Variants in FBLN7 observed in about 807,000 individuals in gnomAD.
The protein encoded by FBLN7 is fibulin-7.
A neutral mutation model predicts 44.0 loss-of-function variants in FBLN7; 31 were observed. That is an observed-to-expected ratio of 0.70 (90% CI 0.53 to 0.95). The LOEUF (loss-of-function observed/expected upper bound fraction) is 0.95, where lower values mean the gene tolerates loss of function less well. FBLN7 is among the 40% of genes least tolerant of loss of function. The pLI, the probability that FBLN7 is intolerant of heterozygous loss-of-function variation, is 0.00. For missense variants in FBLN7, 573 were observed against 618.5 expected, an observed-to-expected ratio of 0.93 and a Z score of 0.78; for synonymous variants, 262 against 253.4, an observed-to-expected ratio of 1.03 and a Z score of -0.32.
rs760628413 is a variant in FBLN7 at position 112,138,745 on chromosome 2, C to T, written c.75+15C>T. 7.0e-5 allele frequency: 111 copies of T among 1,590,210 alleles called. No individual in the cohort carries two copies. Among genetic ancestry groups the T allele is most frequent in the Middle Eastern group, 4.3e-4 (2 of 4,632 alleles). On this transcript the variant is annotated intron_variant, in intron 1 of 7. Coordinates refer to ENST00000331203, the MANE Select transcript of FBLN7 (RefSeq NM_153214.3). ...GGGCTTCCCAGGTCAGTGTCCCTCC[C>T]GCCTCTCTCCAGGCCAGTGTCCCTC...
chr2:112,208,879 C>T, the FBLN7 span, among the ~76,000 whole-genome samples: 1 of 152,022 alleles, frequency 6.6e-6, no homozygotes, highest in Admixed American at 6.6e-5. Context: ...ATTTCTAGTC[C>T]AAATGACCCA....
intron 4 of FBLN7, among the ~76,000 whole-genome samples, chr2:112,181,436 A>G (rs1233825815): frequency 8.5e-5 from 13 of 152,122 alleles, no homozygotes; most frequent in Admixed American, 8.5e-4. Flanking sequence ...GGGGTGTTCA[A>G]GTCTTTTTAA....
At chr2:112,164,898 T>C in intron 2 of FBLN7, 103 bp from the exon 3 acceptor site, 1 of 1,290,486 alleles carries the variant, frequency 7.7e-7, no homozygotes, top group Non-Finnish European at 1.1e-6. Flanking sequence ...GCAGCAGGCA[T>C]GCAACAGAGG....
chr2:112,160,298 GC>G (rs1389323225), intron 2 of FBLN7, among the ~76,000 whole-genome samples: 3 of 152,172 alleles, frequency 2.0e-5, no homozygotes, highest in African/African-American at 7.2e-5. Flanking sequence ...CCAATCTGTG[GC>G]CCATTTGTAA....
intron 2 of FBLN7, 144 bp downstream of exon 2, chr2:112,159,979 T>G (rs1469580733): frequency 5.4e-6 from 3 of 557,510 alleles, no homozygotes; most frequent in Non-Finnish European, 7.9e-6. Context: ...CCCTTTTTTA[T>G]TTATTATTTA....
chr2:112,141,901 A>C (rs1573755472), intron 1 of FBLN7, among the ~76,000 whole-genome samples: 1 of 152,152 alleles, frequency 6.6e-6, no homozygotes, highest in East Asian at 1.9e-4. Context: ...CAGACTCTGT[A>C]CCCGGAACTT....
chr2:112,188,142 C>A lies in FBLN7; in HGVS notation c.*636C>A, dbSNP rs1356481618. On this transcript the variant is annotated 3_prime_UTR_variant, in exon 8 of 8. Coordinates refer to ENST00000331203, the MANE Select transcript of FBLN7 (RefSeq NM_153214.3). ...GCATGGATTCTGCCTGAGTTACTTC[C>A]CTTTTGAGAAATCATATCTCAAATA... is the stretch of plus-strand genomic sequence containing the variant. 6.6e-6 allele frequency: 1 copy of A among 152,408 alleles called. No individual in the cohort carries two copies. Among genetic ancestry groups the A allele is most frequent in the Non-Finnish European group, 1.5e-5 (1 of 68,222 alleles). 9.4% of individuals were successfully genotyped at this position (152,408 alleles called of 1,614,324 possible).
the FBLN7 span, among the ~76,000 whole-genome samples, chr2:112,217,571 C>T: frequency 7.2e-5 from 11 of 152,080 alleles, no homozygotes; most frequent in African/African-American, 2.7e-4. Flanking sequence ...TAGAAAATAT[C>T]AGTTTACTAA....
intron 1 of FBLN7, among the ~76,000 whole-genome samples, chr2:112,147,201 A>G (rs1434677855): frequency 1.3e-5 from 2 of 152,224 alleles, no homozygotes; most frequent in Non-Finnish European, 2.9e-5. Context: ...AGTTTTAACT[A>G]TGAATTCAAT....
Position 112,182,942 on chromosome 2 carries a change from C to CA in FBLN7, c.808+15dup, listed in dbSNP as rs769255084. ...AGAGCTGTGAGGGTGAGTGAGGCTA[C>CA]AGAGTGTCGTCTGCACCCAGCCACC... is the stretch of plus-strand genomic sequence containing the variant. On this transcript the variant is annotated intron_variant, in intron 6 of 7. Coordinates refer to ENST00000331203, the MANE Select transcript of FBLN7 (RefSeq NM_153214.3). The CA allele has an allele frequency of 1.2e-6, 2 of 1,610,896 alleles. No homozygotes were observed. Among genetic ancestry groups the CA allele is most frequent in the Admixed American group, 3.3e-5 (2 of 59,808 alleles).
chr2:112,227,278 A>G, the FBLN7 span, among the ~76,000 whole-genome samples: 30 of 152,356 alleles, frequency 2.0e-4, no homozygotes, highest in Middle Eastern at 3.4e-3. Flanking sequence ...TAATCCCAGC[A>G]CTTTGGGAGG....
intron 1 of FBLN7, among the ~76,000 whole-genome samples, chr2:112,155,696 G>A (rs1218000212): frequency 3.9e-5 from 6 of 152,332 alleles, no homozygotes; most frequent in South Asian, 2.1e-4. Flanking sequence ...AATGAGCACC[G>A]GGGAGAAAGC....
chr2:112,225,241 TA>T, the FBLN7 span, among the ~76,000 whole-genome samples: 368 of 149,096 alleles, frequency 2.5e-3, 2 homozygotes, highest in South Asian at 0.011. Flanking sequence ...AGTTAATTGT[TA>T]AAAAAAAAAC....
At chr2:112,144,523 C>CTTTTTTTTTTTTTTTTTTTTTTTTTTTT (rs35764058) in intron 1 of FBLN7, among the ~76,000 whole-genome samples, 2 of 123,774 alleles carry the variant, frequency 1.6e-5, no homozygotes, top group African/African-American at 3.0e-5. Context: ...GTTTTCTTTT[C>CTTTTTTTTTTTTTTTTTTTTTTTTTTTT]TTTTTTTTTT....
At chr2:112,236,469 C>A in the FBLN7 span, 20 of 1,519,014 alleles carry the variant, frequency 1.3e-5, no homozygotes, top group Non-Finnish European at 1.7e-5. Flanking sequence ...TTCCACCTCT[C>A]CATATCACAT....
intron 1 of FBLN7, among the ~76,000 whole-genome samples, chr2:112,148,537 C>A (rs1680995870): frequency 6.6e-6 from 1 of 152,228 alleles, no homozygotes; most frequent in Non-Finnish European, 1.5e-5. Context: ...AGCTCTGGAT[C>A]TGAAGTTGGC....
At chr2:112,244,024 AAG>A in the FBLN7 span, among the ~76,000 whole-genome samples, 2 of 151,900 alleles carry the variant, frequency 1.3e-5, no homozygotes, top group African/African-American at 4.8e-5. Context: ...ATAAAGAAAA[AAG>A]ATAAAAAATA....
At chr2:112,158,772 AC>A (rs956559349) in intron 1 of FBLN7, among the ~76,000 whole-genome samples, 16 of 151,980 alleles carry the variant, frequency 1.1e-4, no homozygotes, top group African/African-American at 3.9e-4. Context: ...ATGAGGTCTC[AC>A]TATATTGCAC....
intron 2 of FBLN7, among the ~76,000 whole-genome samples, chr2:112,161,555 G>C (rs1285931964): frequency 6.6e-6 from 1 of 152,210 alleles, no homozygotes; most frequent in Non-Finnish European, 1.5e-5. Flanking sequence ...TAGCGGTCAA[G>C]GCCTGACTCC....
Sources: gnomAD v4.1 joint callset for allele counts (sites outside exome capture counted in the v4.1 genomes callset) on GRCh38, gnomAD v4.1.1 for gene constraint, MANE v1.5 for transcripts, NCBI Gene and HGNC (gene_info 2026-07-23, HGNC 2026-07-21) for gene names.